LRP4: variants seen among roughly 807,000 people sequenced by gnomAD.
The protein encoded by LRP4 is LDL receptor related protein 4, also known as low-density lipoprotein receptor-related protein 4.
In LRP4, 95 loss-of-function variants were observed where a neutral mutation model predicts 220.3. That is an observed-to-expected ratio of 0.43 (90% confidence interval 0.37 to 0.51). LRP4 has a LOEUF of 0.51. Ranked by LOEUF, LRP4 falls within the 20% of genes least tolerant of loss-of-function variation. The pLI is 0.00. For synonymous variants in LRP4, 903 were observed against 954.6 expected, an observed-to-expected ratio of 0.95 and a Z score of 1.00; for missense variants, 1,925 against 2,567.0, an observed-to-expected ratio of 0.75 and a Z score of 5.40.
chr11:46,859,043 G>C lies in LRP4; in HGVS notation c.5658C>G (p.Gly1886=). Residue 1886 remains glycine (G), a synonymous_variant, in exon 38 of 38, where the codon GGC becomes GGG. Coordinates refer to ENST00000378623, the MANE Select transcript of LRP4 (RefSeq NM_002334.4). ...VHTAATPERR[G]SLPDTGWKHE... The stretch of plus-strand genomic sequence containing the variant: ...GTTTCCAGCCCGTGTCTGGCAGAGA[G>C]CCTCGTCTTTCTGGAGTGGCTGCAG... 1 of 1,614,190 alleles carries C rather than the reference G, an allele frequency of 6.2e-7. No individual in the cohort carries two copies. Among genetic ancestry groups the C allele is most frequent in the Non-Finnish European group, 8.5e-7 (1 of 1,180,028 alleles).
chr11:46,860,743 A>G (rs1940523555), intron 37 of LRP4, among the ~76,000 whole-genome samples: 1 of 152,232 alleles, frequency 6.6e-6, no homozygotes, highest in South Asian at 2.1e-4. Flanking sequence ...AGTGGGACAT[A>G]GCACACAAGC....
Position 46,886,432 on chromosome 11 carries a change from G to A in LRP4, c.2317C>T (p.Arg773Cys), listed in dbSNP as rs376444422. ...SDDVIPLADV[R>C]SAVALDWDSR... is the part of the protein sequence containing the mutation. Reference sequence around the variant, plus strand: ...TCCCAGTCAAGGGCCACAGCACTGCGCACGTCAGCCAGTGGGATGACATCA... The same window carrying A: ...TCCCAGTCAAGGGCCACAGCACTGCACACGTCAGCCAGTGGGATGACATCA... The change falls in exon 17 of 38, where the codon CGC becomes TGC. Residue 773 changes from arginine (R) to cysteine (C), a missense_variant. Arg to Cys is a radical substitution (Grantham distance 180). Around this residue, in one of 3 missense-constraint regions of LRP4, gnomAD observed 1,244 missense variants for 1,624.9 expected, o/e 0.77. Transcript: ENST00000378623. 9.3e-6 allele frequency: 15 copies of A among 1,613,780 alleles called. No individual in the cohort carries two copies. The highest frequency in any genetic ancestry group is 2.2e-5 in the South Asian group (2 of 91,062).
At chr11:46,904,426 T>C (rs1941724361) in intron 1 of LRP4, among the ~76,000 whole-genome samples, 1 of 152,062 alleles carries the variant, frequency 6.6e-6, no homozygotes, top group South Asian at 2.1e-4. Context: ...TCCCTCTCCA[T>C]CTCAACCCCA....
chr11:46,876,051 C>A, intron 25 of LRP4, 85 bp from the exon 26 acceptor site: 1 of 1,455,210 alleles, frequency 6.9e-7, no homozygotes, highest in Non-Finnish European at 9.6e-7. Flanking sequence ...ATGTCAGATA[C>A]ACTTGAGTAC....
chr11:46,893,581 G>A (rs1196824360), intron 12 of LRP4, among the ~76,000 whole-genome samples: 1 of 152,172 alleles, frequency 6.6e-6, no homozygotes, highest in Non-Finnish European at 1.5e-5. Context: ...AGATTGACAA[G>A]TGAGCTGTTT....
chr11:46,892,300 G>A (rs939044548), intron 13 of LRP4, among the ~76,000 whole-genome samples: 2 of 152,118 alleles, frequency 1.3e-5, no homozygotes, highest in Non-Finnish European at 2.9e-5. Context: ...CTATTAATTT[G>A]TATTAATTAG....
chr11:46,910,390 A>T (rs11606992), intron 1 of LRP4, among the ~76,000 whole-genome samples: 22,494 of 152,206 alleles, frequency 0.15, 2,784 homozygotes, highest in East Asian at 0.65. Flanking sequence ...AAATTAGTTA[A>T]TTCATAAGAA....
At chr11:46,862,178 G>C (rs1940575075) in intron 37 of LRP4, among the ~76,000 whole-genome samples, 1 of 152,038 alleles carries the variant, frequency 6.6e-6, no homozygotes, top group Non-Finnish European at 1.5e-5. Flanking sequence ...CCAACCATAG[G>C]TGCTACTAGC....
At chr11:46,866,435 C>T (rs1940702543) in intron 34 of LRP4, among the ~76,000 whole-genome samples, 1 of 150,262 alleles carries the variant, frequency 6.7e-6, no homozygotes, top group South Asian at 2.1e-4. Context: ...GCATGGGCCA[C>T]CATGCCTGGC....
chr11:46,902,748 C>G, intron 2 of LRP4, 35 bp downstream of exon 2: 1 of 1,613,276 alleles, frequency 6.2e-7, no homozygotes, highest in Non-Finnish European at 8.5e-7. Context: ...AGGTCCCTCT[C>G]CACCACCTCC....
In LRP4 at chr11:46,902,892, G is replaced by A. The variant is rs969055082; in HGVS notation, c.90C>T (p.Ser30=). The change falls in exon 2 of 38, where the codon AGC becomes AGT. Residue 30 remains serine (S), a synonymous_variant. Coordinates refer to ENST00000378623, the MANE Select transcript of LRP4 (RefSeq NM_002334.4). ...ASSPECACGR[S]HFTCAVSALG... ...GAGCACTCACTGCACATGTGAAGTGGCTCCGACCACAAGCACACTCGGGGC... is the reference window on the plus strand; with the variant it reads ...GAGCACTCACTGCACATGTGAAGTGACTCCGACCACAAGCACACTCGGGGC... 1.2e-6 allele frequency: 2 copies of A among 1,613,992 alleles called. No individual in the cohort carries two copies. The highest frequency in any genetic ancestry group is 2.7e-5 in the African/African-American group (2 of 74,928).
At chr11:46,885,184 G>A (rs1941259086) in intron 18 of LRP4, among the ~76,000 whole-genome samples, 1 of 152,112 alleles carries the variant, frequency 6.6e-6, no homozygotes, top group African/African-American at 2.4e-5. Context: ...GTGTGTATGC[G>A]TGTGGGGGTC....
In LRP4 at chr11:46,900,425, T is replaced by G. The variant is rs368088158; in HGVS notation, c.200-47A>C. The G allele has an allele frequency of 2.5e-6, 3 of 1,204,410 alleles. No individual in the cohort carries two copies. The Admixed American group carries it at 5.0e-5, about 20-fold the overall frequency. The allele number at this position is 1,204,410 out of a possible 1,614,324, so 74.6% of individuals were successfully genotyped here. On this transcript the variant is annotated intron_variant, in intron 2 of 37. Coordinates refer to ENST00000378623, the MANE Select transcript of LRP4 (RefSeq NM_002334.4). Reference sequence around the variant, plus strand: ...GAAAAGTCAATCAACCTGGTATTCTTACTCAGGCTCAACTAGGCCAGATAG... The same window carrying G: ...GAAAAGTCAATCAACCTGGTATTCTGACTCAGGCTCAACTAGGCCAGATAG...
In LRP4 at chr11:46,875,742, T is replaced by A; in HGVS notation, c.3700-61A>T. ...GCAGATTGGGAACTCTCCATGGAGA[T>A]CCTAGGCAGGCCTTTCCCATCTTCC... On this transcript the variant is annotated intron_variant, in intron 26 of 37. Coordinates refer to ENST00000378623, the MANE Select transcript of LRP4 (RefSeq NM_002334.4). The surrounding 1 kb of genome is among the most constrained non-coding windows in gnomAD (Gnocchi z 4.5). 1 of 1,612,592 alleles carries A rather than the reference T, an allele frequency of 6.2e-7. No individual in the cohort carries two copies. Among genetic ancestry groups the A allele is most frequent in the Non-Finnish European group, 8.5e-7 (1 of 1,178,832 alleles).
chr11:46,879,816 T>TA (rs1428438113), intron 20 of LRP4, among the ~76,000 whole-genome samples: 1 of 152,128 alleles, frequency 6.6e-6, no homozygotes, highest in Non-Finnish European at 1.5e-5. Flanking sequence ...AGAGACATTA[T>TA]AAAAAATAAC....
chr11:46,899,010 G>A lies in LRP4; in HGVS notation c.570C>T (p.Pro190=), dbSNP rs147353838. 3.0e-4 allele frequency: 482 copies of A among 1,613,050 alleles called. No individual in the cohort carries two copies. The highest frequency in any genetic ancestry group is 2.1e-3 in the African/African-American group (154 of 75,020). ...CACACTGGAACTCCTCCAGGTTGCAGGGGGGCGCTGGCACTGCTGAGGCTG... is the reference window on the plus strand; with the variant it reads ...CACACTGGAACTCCTCCAGGTTGCAAGGGGGCGCTGGCACTGCTGAGGCTG... ...ENCPSAVPAP[P]CNLEEFQCAY... Residue 190 remains proline (P), a synonymous_variant, in exon 6 of 38, where the codon CCC becomes CCT. Coordinates refer to ENST00000378623, the MANE Select transcript of LRP4 (RefSeq NM_002334.4). This position sits in a 1 kb window ranked among gnomAD's most constrained non-coding sequence, Gnocchi z 5.9.
intron 1 of LRP4, among the ~76,000 whole-genome samples, chr11:46,904,425 A>C (rs993116547): frequency 4.6e-5 from 7 of 152,090 alleles, no homozygotes; most frequent in Admixed American, 3.3e-4. Context: ...TTCCCTCTCC[A>C]TCTCAACCCC....
At chr11:46,895,441 C>A (rs1408016260) in intron 10 of LRP4, 150 bp from the exon 11 acceptor site, 3 of 1,042,628 alleles carry the variant, frequency 2.9e-6, no homozygotes, top group East Asian at 2.5e-5. Flanking sequence ...GGCGGCCGGG[C>A]GTGGTGGCGC....
In LRP4 at chr11:46,899,448, A is replaced by G. The variant is rs994897322; in HGVS notation, c.486T>C (p.Ala162=). 3.7e-6 allele frequency: 6 copies of G among 1,614,016 alleles called. No individual in the cohort carries two copies. The African/African-American group carries it at 8.0e-5, about 22-fold the overall frequency. Residue 162 remains alanine, a synonymous_variant, in exon 5 of 38, where the codon GCT becomes GCC. Transcript: ENST00000378623. This position sits in a 1 kb window ranked among gnomAD's most constrained non-coding sequence, Gnocchi z 5.9. The stretch of plus-strand genomic sequence containing the variant: ...TGTCACCGTCGCAGTACCAATGCTC[A>G]GCAATGCAGCTTCCGTCACTACAGC... ...EFRCSDGSCI[A]EHWYCDGDTD... is the part of the protein sequence containing the mutation.
Sources: gnomAD v4.1 joint callset for allele counts (sites outside exome capture counted in the v4.1 genomes callset) on GRCh38, gnomAD v4.1.1 for gene constraint, gnomAD v4.1.1 regional missense constraint, Gnocchi (gnomAD v3.1) non-coding constraint, MANE v1.5 for transcripts, NCBI Gene and HGNC (gene_info 2026-07-23, HGNC 2026-07-21) for gene names.